FBXO28: variants seen among roughly 807,000 people sequenced by gnomAD.
FBXO28 encodes the protein F-box protein 28.
A neutral mutation model predicts 38.1 loss-of-function variants in FBXO28; 8 were observed. The ratio of observed to expected loss-of-function variants is 0.21; its 90% confidence interval spans 0.12 to 0.38. The LOEUF (loss-of-function observed/expected upper bound fraction) is 0.38, where lower values mean the gene tolerates loss of function less well. Ranked by LOEUF, FBXO28 falls within the 10% of genes least tolerant of loss-of-function variation. FBXO28 has a pLI of 1.00. For synonymous variants in FBXO28, 168 were observed against 173.8 expected, an observed-to-expected ratio of 0.97 and a Z score of 0.26; for missense variants, 345 against 460.6, an observed-to-expected ratio of 0.75 and a Z score of 2.30.
chr1:224,126,047 G>T (rs1656895616), intron 1 of FBXO28, among the ~76,000 whole-genome samples: 1 of 152,204 alleles, frequency 6.6e-6, no homozygotes, highest in African/African-American at 2.4e-5. Flanking sequence ...GCTTGCTAAT[G>T]GTTTGTTCAT....
Position 224,114,303 on chromosome 1 carries a change from G to T in FBXO28, c.174G>T (p.Leu58=). The T allele has an allele frequency of 6.4e-7, 1 of 1,569,542 alleles. No homozygotes were observed. Among genetic ancestry groups the T allele is most frequent in the Non-Finnish European group, 8.6e-7 (1 of 1,157,216 alleles). Residue 58 remains leucine, a synonymous_variant, in exon 1 of 5, where the codon CTG becomes CTT. Transcript: ENST00000366862. ...LPAPALAPDQ[L]PQNNTLVALP... ...CCCCCGCGCTGGCTCCGGACCAGCT[G>T]CCTCAAAACAACACGCTTGTGGCGC... is the stretch of plus-strand genomic sequence containing the variant.
At chr1:224,145,518 G>A (rs1657480128) in intron 3 of FBXO28, among the ~76,000 whole-genome samples, 1 of 152,002 alleles carries the variant, frequency 6.6e-6, no homozygotes, top group South Asian at 2.1e-4. Flanking sequence ...CTAGGCGATG[G>A]GAATTTTCCA....
intron 3 of FBXO28, among the ~76,000 whole-genome samples, chr1:224,136,101 G>GTTTTTTTTT (rs397982996): frequency 0.034 from 2,569 of 75,094 alleles, 558 homozygotes; most frequent in African/African-American, 0.062. Context: ...GTTGACTTCA[G>GTTTTTTTTT]TTTTTTTTTT....
rs1039416362 is a variant in FBXO28, at chr1:224,161,406, A to G, written c.*3660A>G. On this transcript the variant is annotated 3_prime_UTR_variant, in exon 5 of 5. Transcript: ENST00000366862. ...AAGGCAGTCTGAAAGAAAACGTCCT[A>G]TACGATGCAGTTGTTTGGAAATGGC... The G allele has an allele frequency of 2.0e-5, 3 of 152,218 alleles. No individual in the cohort carries two copies. Among genetic ancestry groups the G allele is most frequent in the East Asian group, 1.9e-4 (1 of 5,202 alleles). 9.4% of individuals were successfully genotyped at this position (152,218 alleles called of 1,614,324 possible). A position where few individuals can be genotyped will look rare whatever the true frequency, so the allele number is the denominator to read the frequency against.
intron 3 of FBXO28, among the ~76,000 whole-genome samples, chr1:224,135,482 C>T (rs1329954435): frequency 4.0e-5 from 6 of 151,658 alleles, no homozygotes; most frequent in Non-Finnish European, 8.8e-5. Context: ...TGTAGTGGCT[C>T]GCACCTCTAA....
rs560795369 is a variant in FBXO28 at position 224,148,466 on chromosome 1, C to T, written c.517-4676C>T. Among the ~76,000 whole-genome samples the T allele has an allele frequency of 5.3e-5, 8 of 151,958 alleles. No homozygotes were observed. The East Asian group carries it at 9.7e-4, about 18-fold the overall frequency. Reference sequence around the variant, plus strand: ...GAGATCAAGACCATCCTGCCTAACACGGTGAAACCCTGTCTCTACTAAAAA... The same window carrying T: ...GAGATCAAGACCATCCTGCCTAACATGGTGAAACCCTGTCTCTACTAAAAA... On this transcript the variant is annotated intron_variant, in intron 3 of 4. Coordinates refer to ENST00000366862, the MANE Select transcript of FBXO28 (RefSeq NM_015176.4).
intron 1 of FBXO28, among the ~76,000 whole-genome samples, chr1:224,116,251 G>A (rs1656640758): frequency 1.3e-5 from 2 of 152,124 alleles, no homozygotes; most frequent in Admixed American, 1.3e-4. Flanking sequence ...GTGGGGAGTT[G>A]GAAGTGTCTT....
chr1:224,119,526 A>T (rs548059241), intron 1 of FBXO28, among the ~76,000 whole-genome samples: 1 of 152,192 alleles, frequency 6.6e-6, no homozygotes, highest in African/African-American at 2.4e-5. Context: ...AGAAATTATA[A>T]TCTCTTGGGG....
intron 1 of FBXO28, among the ~76,000 whole-genome samples, chr1:224,128,284 T>C (rs777080962): frequency 8.6e-5 from 13 of 151,792 alleles, no homozygotes; most frequent in Non-Finnish European, 1.6e-4. Flanking sequence ...CCATGTCTTG[T>C]ACTGCAACGT....
intron 1 of FBXO28, among the ~76,000 whole-genome samples, chr1:224,128,610 A>C (rs1656960468): frequency 1.3e-5 from 2 of 152,158 alleles, no homozygotes; most frequent in Admixed American, 1.3e-4. Flanking sequence ...TTTCAAATGT[A>C]AGATGACTTG....
intron 3 of FBXO28, among the ~76,000 whole-genome samples, chr1:224,145,293 C>CAAAAAAAAAAAAAAA (rs3035404): frequency 2.7e-5 from 2 of 73,570 alleles, no homozygotes; most frequent in Admixed American, 1.8e-4. Flanking sequence ...GACTACATCT[C>CAAAAAAAAAAAAAAA]AAAAAAAAAA....
intron 2 of FBXO28, among the ~76,000 whole-genome samples, chr1:224,132,448 A>G (rs12239235): frequency 6.6e-6 from 1 of 152,132 alleles, no homozygotes; most frequent in Non-Finnish European, 1.5e-5. Flanking sequence ...GATGTGGACA[A>G]ATTGGAACCT....
chr1:224,133,823 A>G (rs1191368910), intron 2 of FBXO28, among the ~76,000 whole-genome samples: 2 of 21,938 alleles, frequency 9.1e-5, no homozygotes, highest in South Asian at 5.5e-3. Flanking sequence ...AAAAAACCTA[A>G]TTAAAATATA....
intron 3 of FBXO28, 41 bp downstream of exon 3, chr1:224,134,253 A>G (rs1572013686): frequency 6.3e-7 from 1 of 1,591,632 alleles, no homozygotes. Context: ...GGACTGCCCT[A>G]CATAAACTTA....
chr1:224,152,027 G>A (rs1657660082), intron 3 of FBXO28, among the ~76,000 whole-genome samples: 1 of 149,538 alleles, frequency 6.7e-6, no homozygotes, highest in Admixed American at 6.7e-5. Context: ...GGACAACACA[G>A]TGAGACTCCA....
chr1:224,161,967 T>C lies in FBXO28; in HGVS notation c.*4221T>C, dbSNP rs993530308. On this transcript the variant is annotated 3_prime_UTR_variant, in exon 5 of 5. Transcript: ENST00000366862. ...TTACCTTCTGGAATTTTAATTGTTATAACCGAATCAATTATTGGAAAGTGA... is the reference window on the plus strand; with the variant it reads ...TTACCTTCTGGAATTTTAATTGTTACAACCGAATCAATTATTGGAAAGTGA... 3.9e-5 allele frequency: 6 copies of C among 152,362 alleles called. No homozygotes were observed. The highest frequency in any genetic ancestry group is 2.1e-4 in the South Asian group (1 of 4,834). 9.4% of individuals were successfully genotyped at this position (152,362 alleles called of 1,614,324 possible). A position where few individuals can be genotyped will look rare whatever the true frequency, so the allele number is the denominator to read the frequency against.
chr1:224,142,585 G>A (rs1247990746), intron 3 of FBXO28, among the ~76,000 whole-genome samples: 1 of 152,144 alleles, frequency 6.6e-6, no homozygotes, highest in African/African-American at 2.4e-5. Context: ...GGAGGCTGAG[G>A]TGGGTGGATC....
In FBXO28 at chr1:224,160,179, A is replaced by G. The variant is rs1203105274; in HGVS notation, c.*2433A>G. The G allele has an allele frequency of 2.6e-5, 4 of 152,204 alleles. No homozygotes were observed. The highest frequency in any genetic ancestry group is 4.4e-5 in the Non-Finnish European group (3 of 68,028). 9.4% of individuals were successfully genotyped at this position (152,204 alleles called of 1,614,324 possible). A position where few individuals can be genotyped will look rare whatever the true frequency, so the allele number is the denominator to read the frequency against. On this transcript the variant is annotated 3_prime_UTR_variant, in exon 5 of 5. Coordinates refer to ENST00000366862, the MANE Select transcript of FBXO28 (RefSeq NM_015176.4). ...CATTATGCTTACCTATGGATAGCAT[A>G]ATGGTATTTAAGGTTCAACAAACCG...
chr1:224,114,825 G>C (rs1333542104), intron 1 of FBXO28, among the ~76,000 whole-genome samples: 1 of 152,232 alleles, frequency 6.6e-6, no homozygotes, highest in Non-Finnish European at 1.5e-5. Context: ...GCCAGGTTTG[G>C]TTTATCTTGC....
Sources: gnomAD v4.1 joint callset for allele counts (sites outside exome capture counted in the v4.1 genomes callset) on GRCh38, gnomAD v4.1.1 for gene constraint, MANE v1.5 for transcripts, NCBI Gene and HGNC (gene_info 2026-07-23, HGNC 2026-07-21) for gene names.